CFAP47: variants seen among roughly 807,000 people sequenced by gnomAD.
The protein encoded by CFAP47 is cilia and flagella associated protein 47, also known as cilia- and flagella-associated protein 47.
A neutral mutation model predicts 148.1 loss-of-function variants in CFAP47; 29 were observed. The ratio of observed to expected loss-of-function variants is 0.20; its 90% CI spans 0.15 to 0.27. The LOEUF (loss-of-function observed/expected upper bound fraction) is 0.27, where lower values mean the gene tolerates loss of function less well. Ranked by LOEUF, CFAP47 falls within the 10% of genes least tolerant of loss-of-function variation. The probability of loss-of-function intolerance (pLI) is 1.00; values close to 1 mark genes in which losing one functional copy is unlikely to be tolerated. For missense variants in CFAP47, 1,872 were observed against 1,697.5 expected, an observed-to-expected ratio of 1.10 and a Z score of -1.81; for synonymous variants, 664 against 577.3, an observed-to-expected ratio of 1.15 and a Z score of -2.15.
intron 1 of CFAP47, among the ~76,000 whole-genome samples, chrX:35,921,370 T>G (rs1935574885): frequency 8.9e-6 from 1 of 112,334 alleles, no homozygotes; most frequent in Non-Finnish European, 1.9e-5. Context: ...AAGTACTTGC[T>G]TACTCCAGAC....
chrX:36,032,084 C>G (rs1179559650), intron 23 of CFAP47, among the ~76,000 whole-genome samples: 1 of 111,146 alleles, frequency 9.0e-6, no homozygotes, highest in African/African-American at 3.3e-5. Flanking sequence ...GTCAAGAAAA[C>G]TACTTTGAAT....
At chrX:36,013,440 G>A (rs1008518024) in intron 21 of CFAP47, among the ~76,000 whole-genome samples, 27 of 111,386 alleles carry the variant, frequency 2.4e-4, no homozygotes, top group African/African-American at 7.5e-4. Flanking sequence ...AGTCTCTTTC[G>A]GATATATGAA....
At chrX:36,244,342 G>A (rs782738739) in intron 48 of CFAP47, among the ~76,000 whole-genome samples, 4 of 110,465 alleles carry the variant, frequency 3.6e-5, no homozygotes, top group Non-Finnish European at 7.6e-5. Context: ...AAAAATAACA[G>A]ACCAACCCCA....
rs144308242 is a variant in CFAP47, at chrX:35,975,575, A to G, written c.2472-97A>G. On this transcript the variant is annotated intron_variant, in intron 14 of 63. Coordinates refer to ENST00000378653, the MANE Select transcript of CFAP47 (RefSeq NM_001304548.2). ...AAGTATTACGTGCTAAGAATTGTGG[A>G]TGTTAATCAATGCTATGTGCATTTT... 4,730 of 866,753 alleles carry G rather than the reference A, an allele frequency of 5.5e-3. 19 individuals are homozygous for G. The highest frequency in any genetic ancestry group is 9.1e-3 in the Middle Eastern group (32 of 3,513). 71.4% of individuals were successfully genotyped at this position (866,753 alleles called of 1,213,427 possible).
chrX:36,048,677 A>G (rs751022948), intron 26 of CFAP47, among the ~76,000 whole-genome samples: 12 of 111,782 alleles, frequency 1.1e-4, no homozygotes, highest in Non-Finnish European at 2.1e-4. Flanking sequence ...GTCTTACCCA[A>G]ATTCCCCAAA....
intron 3 of CFAP47, among the ~76,000 whole-genome samples, chrX:35,942,203 G>C (rs923730853): frequency 2.7e-5 from 3 of 111,176 alleles, no homozygotes; most frequent in African/African-American, 9.8e-5. Flanking sequence ...AGACAGGGAG[G>C]GTATTTCTAT....
chrX:35,922,280 T>C (rs1391470920), intron 1 of CFAP47, among the ~76,000 whole-genome samples: 1 of 112,327 alleles, frequency 8.9e-6, no homozygotes, highest in Non-Finnish European at 1.9e-5. Flanking sequence ...TATTATTTTA[T>C]CCCCAAATTA....
intron 42 of CFAP47, among the ~76,000 whole-genome samples, chrX:36,191,882 C>G (rs182002286): frequency 4.3e-4 from 48 of 110,678 alleles, no homozygotes; most frequent in African/African-American, 1.5e-3. Flanking sequence ...ACTCAGGAGG[C>G]TGAGGCAGGA....
intron 17 of CFAP47, 69 bp downstream of exon 17, chrX:35,992,012 C>G (rs1157749504): frequency 3.5e-6 from 1 of 282,985 alleles, no homozygotes. Flanking sequence ...GAAGTTAATA[C>G]TTTATTCTTC....
chrX:35,993,417 A>C (rs2146685696), intron 18 of CFAP47, 96 bp downstream of exon 18: 1 of 274,332 alleles, frequency 3.6e-6, no homozygotes, highest in Admixed American at 6.4e-5. Context: ...AATGCTACAA[A>C]ATGGAGTACA....
At chrX:36,382,946 T>C (rs1942091562) in intron 63 of CFAP47, among the ~76,000 whole-genome samples, 1 of 111,614 alleles carries the variant, frequency 9.0e-6, no homozygotes, top group African/African-American at 3.3e-5. Flanking sequence ...TAAAGTTATA[T>C]CTTTAAATTT....
At chrX:36,299,181 A>G in intron 52 of CFAP47, 29 bp downstream of exon 52, 1 of 887,808 alleles carries the variant, frequency 1.1e-6, no homozygotes, top group Non-Finnish European at 1.5e-6. Flanking sequence ...ATTATATTTC[A>G]TTGTTGATCC....
chrX:36,300,453 C>A (rs947616848), intron 52 of CFAP47, among the ~76,000 whole-genome samples: 2 of 110,626 alleles, frequency 1.8e-5, no homozygotes, highest in African/African-American at 6.6e-5. Context: ...CTACACCCAG[C>A]TAATTTTCTG....
intron 46 of CFAP47, among the ~76,000 whole-genome samples, chrX:36,229,957 T>C (rs1210274455): frequency 9.5e-6 from 1 of 105,613 alleles, no homozygotes; most frequent in Non-Finnish European, 1.9e-5. Flanking sequence ...TTTTTATGGC[T>C]GCATAGTATT....
At chrX:35,976,851 T>A (rs988530671) in intron 15 of CFAP47, among the ~76,000 whole-genome samples, 8 of 111,749 alleles carry the variant, frequency 7.2e-5, no homozygotes, top group African/African-American at 2.6e-4. Context: ...AGATATACCA[T>A]TTTTGACGTG....
intron 57 of CFAP47, among the ~76,000 whole-genome samples, chrX:36,338,895 T>C (rs1941630582): frequency 8.9e-6 from 1 of 111,855 alleles, no homozygotes; most frequent in Admixed American, 9.5e-5. Context: ...GAACACCCTG[T>C]ATTAATATTG....
intron 60 of CFAP47, among the ~76,000 whole-genome samples, chrX:36,355,642 A>C (rs1349053507): frequency 2.7e-5 from 3 of 111,942 alleles, no homozygotes; most frequent in Non-Finnish European, 5.6e-5. Context: ...TAATATGATA[A>C]ATTTGAAATA....
intron 46 of CFAP47, among the ~76,000 whole-genome samples, chrX:36,231,378 TGAATGG>T (rs1940356710): frequency 9.4e-6 from 1 of 106,922 alleles, no homozygotes; most frequent in Admixed American, 1.0e-4. Context: ...GAAGCAATTG[TGAATGG>T]GAGTTCACTC....
chrX:36,008,193 C>T (rs2146698649), intron 21 of CFAP47, among the ~76,000 whole-genome samples: 1 of 111,379 alleles, frequency 9.0e-6, no homozygotes, highest in Non-Finnish European at 1.9e-5. Context: ...TTGGAGCATC[C>T]TGTGAATAGC....
Sources: allele counts gnomAD v4.1 joint callset (sites outside exome capture counted in the v4.1 genomes callset), GRCh38; gene constraint gnomAD v4.1.1; transcripts MANE v1.5; gene names NCBI Gene and HGNC (gene_info 2026-07-23, HGNC 2026-07-21).